Variants in MSH3 observed in about 807,000 individuals in gnomAD.
MSH3 encodes the protein mutS homolog 3.
In MSH3, 106 loss-of-function variants were observed where a neutral mutation model predicts 123.3. The observed-to-expected ratio is 0.86, with a 90% CI of 0.73 to 1.01. The LOEUF (loss-of-function observed/expected upper bound fraction) is 1.01, where lower values mean the gene tolerates loss of function less well. MSH3 is among the 50% of genes least tolerant of loss of function. MSH3 has a pLI of 0.00. For missense variants in MSH3, 1,459 were observed against 1,347.6 expected (o/e 1.08, Z -1.29); for synonymous variants, 515 against 481.4 (o/e 1.07, Z -0.91).
Position 80,655,002 on chromosome 5 carries a change from T to TG in MSH3, c.237+45dup, listed in dbSNP as rs985762586. On this transcript the variant is annotated intron_variant, in intron 1 of 23. Transcript: ENST00000265081. Reference sequence around the variant, plus strand: ...TGGGACTGGGCAGGGCCATCGGGGCTGGGGGGGCGGGGCTTGTGGGTAAGG... The same window carrying TG: ...TGGGACTGGGCAGGGCCATCGGGGCTGGGGGGGGCGGGGCTTGTGGGTAAGG... 75 of 1,124,810 alleles carry TG rather than the reference T, an allele frequency of 6.7e-5. 3 individuals are homozygous for TG. Among genetic ancestry groups the TG allele is most frequent in the Middle Eastern group, 2.8e-4 (1 of 3,570 alleles). 69.7% of individuals were successfully genotyped at this position (1,124,810 alleles called of 1,614,324 possible). A position where few individuals can be genotyped will look rare whatever the true frequency, so the allele number is the denominator to read the frequency against.
intron 11 of MSH3, among the ~76,000 whole-genome samples, chr5:80,742,529 G>C (rs1254221322): frequency 6.6e-6 from 1 of 152,162 alleles, no homozygotes; most frequent in African/African-American, 2.4e-5. Context: ...CTGAGTCAAA[G>C]GAGTTAAAAC....
chr5:80,770,947 G>T (rs1035846760), intron 15 of MSH3, among the ~76,000 whole-genome samples: 8 of 152,214 alleles, frequency 5.3e-5, no homozygotes, highest in Admixed American at 2.6e-4. Flanking sequence ...TCAACTAATT[G>T]TATTAAAAAT....
chr5:80,872,392 T>A (rs1391054977), intron 22 of MSH3, among the ~76,000 whole-genome samples: 1 of 152,120 alleles, frequency 6.6e-6, no homozygotes, highest in Non-Finnish European at 1.5e-5. Flanking sequence ...ACCTTGAACC[T>A]GGAAGATTGA....
intron 7 of MSH3, among the ~76,000 whole-genome samples, chr5:80,676,145 C>T (rs1031178747): frequency 1.3e-5 from 2 of 152,200 alleles, no homozygotes; most frequent in East Asian, 3.9e-4. Context: ...ATTCTCCTGC[C>T]TCAGCCTCCC....
At chr5:80,674,063 G>T (rs971564152) in intron 6 of MSH3, among the ~76,000 whole-genome samples, 1 of 152,134 alleles carries the variant, frequency 6.6e-6, no homozygotes, top group Non-Finnish European at 1.5e-5. Context: ...CTCAAAATGG[G>T]CTCCAAACTA....
intron 8 of MSH3, among the ~76,000 whole-genome samples, chr5:80,713,423 C>A (rs1750895435): frequency 6.6e-6 from 1 of 151,774 alleles, no homozygotes; most frequent in South Asian, 2.1e-4. Context: ...CTTGGCATGC[C>A]CTGTGTAATG....
chr5:80,672,097 T>A (rs981566852), intron 4 of MSH3, 147 bp from the exon 5 acceptor site: 31 of 678,264 alleles, frequency 4.6e-5, no homozygotes, highest in East Asian at 2.8e-4. Flanking sequence ...AACATTTTTT[T>A]AAACTTTTTA....
intron 20 of MSH3, among the ~76,000 whole-genome samples, chr5:80,850,591 C>T (rs1204797122): frequency 6.6e-6 from 1 of 152,168 alleles, no homozygotes; most frequent in African/African-American, 2.4e-5. Context: ...GTTTTTAAAA[C>T]CATCAGATTT....
intron 14 of MSH3, 85 bp from the exon 15 acceptor site, chr5:80,768,750 C>T (rs971346559): frequency 1.6e-6 from 2 of 1,226,944 alleles, no homozygotes; most frequent in African/African-American, 3.0e-5. Flanking sequence ...CAGTGCTTTC[C>T]TCTTTTATCA....
intron 15 of MSH3, among the ~76,000 whole-genome samples, chr5:80,769,704 A>G (rs986263287): frequency 2.6e-5 from 4 of 152,112 alleles, no homozygotes; most frequent in African/African-American, 9.6e-5. Context: ...ATTCTGTTTT[A>G]TTAAAATACC....
chr5:80,837,488 A>T (rs528804813), intron 20 of MSH3, among the ~76,000 whole-genome samples: 1 of 152,262 alleles, frequency 6.6e-6, no homozygotes, highest in South Asian at 2.1e-4. Flanking sequence ...CTGAGGTGGG[A>T]GTTCGCTTGA....
In MSH3 at chr5:80,816,768, G is replaced by A; in HGVS notation, c.2813+3027G>A. Reference sequence around the variant, plus strand: ...AATCACCAGGACTTGGCGATAGATAGGGGTATGGCAGCTGAGATAAATGGA... The same window carrying A: ...AATCACCAGGACTTGGCGATAGATAAGGGTATGGCAGCTGAGATAAATGGA... On this transcript the variant is annotated intron_variant, in intron 20 of 23. Transcript: ENST00000265081. Among the ~76,000 whole-genome samples, 2 of 152,198 alleles carry A rather than the reference G, an allele frequency of 1.3e-5. 1 individual carries two copies. Among genetic ancestry groups the A allele is most frequent in the Non-Finnish European group, 2.9e-5 (2 of 68,030 alleles).
chr5:80,849,483 A>G (rs1264064093), intron 20 of MSH3, among the ~76,000 whole-genome samples: 1 of 152,172 alleles, frequency 6.6e-6, no homozygotes, highest in Non-Finnish European at 1.5e-5. Context: ...CTGCCTGGAC[A>G]TCCAGTTATT....
chr5:80,713,916 C>T (rs982467983), intron 8 of MSH3, among the ~76,000 whole-genome samples: 1 of 152,106 alleles, frequency 6.6e-6, no homozygotes, highest in Non-Finnish European at 1.5e-5. Flanking sequence ...TACTTCTTTG[C>T]AGGTGACTCT....
intron 8 of MSH3, among the ~76,000 whole-genome samples, chr5:80,709,637 A>C (rs1750806151): frequency 6.6e-6 from 1 of 152,230 alleles, no homozygotes; most frequent in Non-Finnish European, 1.5e-5. Context: ...GTCTCAAAAA[A>C]AGAAAAAAAG....
At chr5:80,706,536 T>TCA (rs1750727209) in intron 8 of MSH3, among the ~76,000 whole-genome samples, 1 of 152,142 alleles carries the variant, frequency 6.6e-6, no homozygotes, top group African/African-American at 2.4e-5. Context: ...ACCTCCTGAG[T>TCA]CACAGGAAGC....
intron 2 of MSH3, 79 bp downstream of exon 2, chr5:80,656,610 T>G: frequency 1.9e-6 from 3 of 1,582,008 alleles, no homozygotes; most frequent in South Asian, 2.2e-5. Context: ...GAAGAGCGTA[T>G]TAGAATTGTG....
Position 80,823,811 on chromosome 5 carries a change from G to T in MSH3, c.2813+10070G>T, listed in dbSNP as rs1468785185. Among the ~76,000 whole-genome samples, 9 of 152,126 alleles carry T rather than the reference G, an allele frequency of 5.9e-5. No homozygotes were observed. In the South Asian group the frequency reaches 1.9e-3, roughly 31 times the overall value. On this transcript the variant is annotated intron_variant, in intron 20 of 23. Coordinates refer to ENST00000265081, the MANE Select transcript of MSH3 (RefSeq NM_002439.5). Reference sequence around the variant, plus strand: ...TCAGCAGATAAACAAGTGAACAAAGGTCTCTGGTTTTCCTAGGCAGAGGAC... The same window carrying T: ...TCAGCAGATAAACAAGTGAACAAAGTTCTCTGGTTTTCCTAGGCAGAGGAC...
chr5:80,872,228 G>C (rs1452367396), intron 22 of MSH3, among the ~76,000 whole-genome samples: 1 of 152,140 alleles, frequency 6.6e-6, no homozygotes, highest in Non-Finnish European at 1.5e-5. Context: ...CCAGCACTTT[G>C]GGAGGCCAAG....
Sources: gnomAD v4.1 joint callset for allele counts (sites outside exome capture counted in the v4.1 genomes callset) on GRCh38, gnomAD v4.1.1 for gene constraint, MANE v1.5 for transcripts, NCBI Gene and HGNC (gene_info 2026-07-23, HGNC 2026-07-21) for gene names.